Variants in CCDC88C observed in about 807,000 individuals in gnomAD.
The protein encoded by CCDC88C is coiled-coil and HOOK domain protein 88C.
Under a neutral mutation model 198.8 loss-of-function variants are expected in CCDC88C, and 131 were observed. The observed-to-expected ratio is 0.66, with a 90% CI of 0.57 to 0.76. The LOEUF is 0.76. Among genes scored for constraint, CCDC88C ranks in the 30% least tolerant of loss-of-function variants. The probability of loss-of-function intolerance (pLI) is 0.00; values close to 1 mark genes in which losing one functional copy is unlikely to be tolerated. For synonymous variants in CCDC88C, 1,166 were observed against 1,114.7 expected, an observed-to-expected ratio of 1.05 and a Z score of -0.92; for missense variants, 2,553 against 2,631.6, an observed-to-expected ratio of 0.97 and a Z score of 0.65.
At chr14:91,291,488 C>T (rs1249068450) in intron 23 of CCDC88C, among the ~76,000 whole-genome samples, 1 of 152,164 alleles carries the variant, frequency 6.6e-6, no homozygotes, top group Non-Finnish European at 1.5e-5. Context: ...ATTAACAACA[C>T]CTGGGCAGTG....
At chr14:91,358,675 A>AT (rs1304539257) in intron 4 of CCDC88C, among the ~76,000 whole-genome samples, 1 of 152,054 alleles carries the variant, frequency 6.6e-6, no homozygotes, top group African/African-American at 2.4e-5. Context: ...TCTTTTTTTC[A>AT]TTTTATAATT....
In CCDC88C at chr14:91,309,904, A is replaced by G. The variant is rs370961953; in HGVS notation, c.2819T>C (p.Leu940Pro). ...KLSQELEKVG[L>P]NRELLLQEDD... ...CTCCTGCAACAGCAGCTCCCTGTTG[A>G]GGCCGACCTTCTCCAGTTCCTGGCT... is the stretch of plus-strand genomic sequence containing the variant. The change falls in exon 16 of 30, where the codon CTC becomes CCC. Residue 940 changes from leucine (L) to proline (P), a missense_variant. Coordinates refer to ENST00000389857, the MANE Select transcript of CCDC88C (RefSeq NM_001080414.4). The G allele has an allele frequency of 2.5e-4, 406 of 1,611,600 alleles. No homozygotes were observed. Among genetic ancestry groups the G allele is most frequent in the Non-Finnish European group, 3.3e-4 (386 of 1,178,964 alleles).
intron 3 of CCDC88C, among the ~76,000 whole-genome samples, chr14:91,363,564 T>C (rs1894402162): frequency 6.6e-6 from 1 of 152,126 alleles, no homozygotes; most frequent in African/African-American, 2.4e-5. Flanking sequence ...GGAGGTATAA[T>C]ATGCGAGATT....
intron 3 of CCDC88C, among the ~76,000 whole-genome samples, chr14:91,377,235 G>A (rs559061708): frequency 4.6e-5 from 7 of 152,286 alleles, no homozygotes; most frequent in South Asian, 2.1e-4. Flanking sequence ...GGTGCCACGC[G>A]AGCCCTTCCA....
intron 15 of CCDC88C, among the ~76,000 whole-genome samples, chr14:91,312,021 AT>A (rs1205473150): frequency 6.7e-6 from 1 of 149,894 alleles, no homozygotes; most frequent in African/African-American, 2.5e-5. Flanking sequence ...AATTTAAAAA[AT>A]AATAAAAATA....
intron 16 of CCDC88C, among the ~76,000 whole-genome samples, chr14:91,308,951 GCA>G (rs1225877750): frequency 1.3e-5 from 2 of 152,252 alleles, no homozygotes; most frequent in African/African-American, 4.8e-5. Context: ...ATCAGGCCGA[GCA>G]CAGTGGCTCA....
Position 91,342,425 on chromosome 14 carries a change from C to G in CCDC88C, c.438G>C (p.Gln146His), listed in dbSNP as rs781153917. ...TGCCAGCCTGGGTCTCAATGTCCAG[C>G]TGTTTGATTCTTTCAATGAACTCCT... is the stretch of plus-strand genomic sequence containing the variant. ...RKEEFIERIK[Q>H]LDIETQAGIV... The change falls in exon 6 of 30, where the codon CAG (glutamine) becomes CAC (histidine). Residue 146 changes from glutamine to histidine, a missense_variant. Around this residue, in one of 2 missense-constraint regions of CCDC88C, gnomAD observed 1,260 missense variants for 1,412.0 expected, o/e 0.89. Coordinates refer to ENST00000389857, the MANE Select transcript of CCDC88C (RefSeq NM_001080414.4). 1 of 1,598,808 alleles carries G rather than the reference C, an allele frequency of 6.3e-7. No homozygotes were observed. Among genetic ancestry groups the G allele is most frequent in the Non-Finnish European group, 8.5e-7 (1 of 1,172,630 alleles).
rs576647461 is a variant in CCDC88C at position 91,297,547 on chromosome 14, C to T, written c.3780-56G>A. 35 of 1,524,810 alleles carry T rather than the reference C, an allele frequency of 2.3e-5. No homozygotes were observed. The African/African-American group carries it at 2.3e-4, about 10-fold the overall frequency. 94.5% of individuals were successfully genotyped at this position (1,524,810 alleles called of 1,614,324 possible). A position where few individuals can be genotyped will look rare whatever the true frequency, so the allele number is the denominator to read the frequency against. ...GCTGAAGAGCCTGACAAACAGGTAA[C>T]GGCCCAGAGACCTGGGCTATGTCCC... On this transcript the variant is annotated intron_variant, in intron 21 of 29. Coordinates refer to ENST00000389857, the MANE Select transcript of CCDC88C (RefSeq NM_001080414.4).
chr14:91,307,211 C>T lies in CCDC88C; in HGVS notation c.3022G>A (p.Glu1008Lys). The change falls in exon 18 of 30, where the codon GAG becomes AAG. Residue 1008 changes from glutamate (E) to lysine (K), a missense_variant. Physicochemically the swap from Glu to Lys is moderately conservative, Grantham distance 56. Transcript: ENST00000389857. ...SELQMLKKEC[E>K]TLRQNQGEGQ... Reference sequence around the variant, plus strand: ...TCTCCCTGGTTCTGCCTGAGGGTCTCACACTCCTTCTTTAGCTACAGGTGT... The same window carrying T: ...TCTCCCTGGTTCTGCCTGAGGGTCTTACACTCCTTCTTTAGCTACAGGTGT... 6.2e-7 allele frequency: 1 copy of T among 1,613,568 alleles called. No individual in the cohort carries two copies. The highest frequency in any genetic ancestry group is 8.5e-7 in the Non-Finnish European group (1 of 1,179,862).
At chr14:91,346,281 C>T (rs202007324) in intron 4 of CCDC88C, among the ~76,000 whole-genome samples, 3 of 152,332 alleles carry the variant, frequency 2.0e-5, no homozygotes, top group Non-Finnish European at 2.9e-5. Context: ...AAACACACCC[C>T]GCCCCCCAGC....
At position 91,272,819 on chromosome 14, in the gene CCDC88C, CCTCT is replaced by C; in HGVS notation, c.5889_5892del (p.Gly1965ThrfsTer99). 6.3e-7 allele frequency: 1 copy of C among 1,597,120 alleles called. No individual in the cohort carries two copies. The highest frequency in any genetic ancestry group is 8.5e-7 in the Non-Finnish European group (1 of 1,172,318). On this transcript the variant is annotated frameshift_variant, in exon 30 of 30. Coordinates refer to ENST00000389857, the MANE Select transcript of CCDC88C (RefSeq NM_001080414.4). LOFTEE classifies it high-confidence loss of function. The stretch of plus-strand genomic sequence containing the variant: ...CAGCCCTGCCCCGGGACCCCGTCTC[CCTCT>C]GAGAGGCTGAGCCCTGCCCGGACAG...
intron 12 of CCDC88C, 59 bp downstream of exon 12, chr14:91,324,720 T>A: frequency 6.3e-7 from 1 of 1,593,920 alleles, no homozygotes; most frequent in Non-Finnish European, 8.5e-7. Context: ...AGGACTCAGC[T>A]CCCTGGAGGC....
chr14:91,369,546 T>TA (rs1016807507), intron 3 of CCDC88C, among the ~76,000 whole-genome samples: 10 of 152,254 alleles, frequency 6.6e-5, no homozygotes, highest in African/African-American at 2.4e-4. Flanking sequence ...TTCTTTTTTT[T>TA]ACCTCTGGAA....
intron 23 of CCDC88C, 57 bp downstream of exon 23, chr14:91,294,116 T>C: frequency 6.2e-7 from 1 of 1,600,012 alleles, no homozygotes; most frequent in Non-Finnish European, 8.6e-7. Context: ...CTCCAGAGAC[T>C]GAGGATGTGC....
At chr14:91,312,985 A>G in intron 15 of CCDC88C, 95 bp downstream of exon 15, 2 of 922,048 alleles carry the variant, frequency 2.2e-6, no homozygotes, top group Non-Finnish European at 3.2e-6. Flanking sequence ...TTTAAGGAGG[A>G]CACAGAGTCT....
At chr14:91,417,030 C>A (rs1453854355) in intron 1 of CCDC88C, 192 bp from the exon 2 acceptor site, 2 of 696,312 alleles carry the variant, frequency 2.9e-6, no homozygotes. Flanking sequence ...CGCGGGGCAA[C>A]AGACACGAGA....
rs182438780 is a variant in CCDC88C, at chr14:91,308,399, C to T, written c.2958G>A (p.Met986Ile). 238 of 1,614,040 alleles carry T rather than the reference C, an allele frequency of 1.5e-4. No homozygotes were observed. Among genetic ancestry groups the T allele is most frequent in the Non-Finnish European group, 1.8e-4 (214 of 1,179,890 alleles). The change falls in exon 17 of 30, where the codon ATG becomes ATA. Residue 986 changes from methionine (M) to isoleucine (I), a missense_variant. Around this residue, in one of 2 missense-constraint regions of CCDC88C, gnomAD observed 1,260 missense variants for 1,412.0 expected, o/e 0.89. Transcript: ENST00000389857. Reference sequence around the variant, plus strand: ...GGCGATTTAGGCTCGCTTTCTCTTCCATCTGTGCTTCTAAGAGCACAATCT... The same window carrying T: ...GGCGATTTAGGCTCGCTTTCTCTTCTATCTGTGCTTCTAAGAGCACAATCT... The part of the protein sequence containing the change: ...EEKIVLLEAQ[M>I]EEKASLNRQL...
In CCDC88C at chr14:91,279,141, C is replaced by G. The variant is rs538304756; in HGVS notation, c.4768+97G>C. 4.2e-6 allele frequency: 4 copies of G among 958,960 alleles called. No individual in the cohort carries two copies. In the Admixed American group the frequency reaches 8.1e-5, roughly 19 times the overall value. The allele number at this position is 958,960 out of a possible 1,614,324, so 59.4% of individuals were successfully genotyped here. A position where few individuals can be genotyped will look rare whatever the true frequency, so the allele number is the denominator to read the frequency against. The stretch of plus-strand genomic sequence containing the variant: ...TTTCTAACTCCTGGGCTCAAGCGAT[C>G]CACCTGCTTGGCCCTCCCAAAGTGC... On this transcript the variant is annotated intron_variant, in intron 28 of 29. Coordinates refer to ENST00000389857, the MANE Select transcript of CCDC88C (RefSeq NM_001080414.4).
rs1223014562 is a variant in CCDC88C at position 91,326,022 on chromosome 14, G to A, written c.1085C>T (p.Thr362Ile). Reference sequence around the variant, plus strand: ...CAGCTGTTCCTCCAGCATGGCCTTGGTTTCAATTAAAATGATATTATCTTC... The same window carrying A: ...CAGCTGTTCCTCCAGCATGGCCTTGATTTCAATTAAAATGATATTATCTTC... ...LREDNIILIE[T>I]KAMLEEQLTA... Residue 362 changes from threonine to isoleucine, a missense_variant, in exon 11 of 30, where the codon ACC (threonine) becomes ATC (isoleucine). By Grantham distance (89) the Thr-to-Ile change is moderately conservative. Transcript: ENST00000389857. The A allele has an allele frequency of 1.9e-6, 3 of 1,607,814 alleles. 1 individual carries two copies. Among genetic ancestry groups the A allele is most frequent in the Non-Finnish European group, 2.5e-6 (3 of 1,177,008 alleles).
Sources: gnomAD v4.1 joint callset for allele counts (sites outside exome capture counted in the v4.1 genomes callset) on GRCh38, gnomAD v4.1.1 for gene constraint, gnomAD v4.1.1 regional missense constraint, MANE v1.5 for transcripts, NCBI Gene and HGNC (gene_info 2026-07-23, HGNC 2026-07-21) for gene names.